Variants in APP observed in about 807,000 individuals in gnomAD.
APP encodes amyloid-beta precursor protein.
Under a neutral mutation model 101.4 loss-of-function variants are expected in APP, and 31 were observed. The ratio of observed to expected loss-of-function variants is 0.31; its 90% CI spans 0.23 to 0.41. The LOEUF (loss-of-function observed/expected upper bound fraction) is 0.41, where lower values mean the gene tolerates loss of function less well. APP is among the 10% of genes least tolerant of loss of function. The pLI is 1.00. For synonymous variants in APP, 366 were observed against 364.4 expected (o/e 1.00, Z -0.05); for missense variants, 839 against 1,003.7 (o/e 0.84, Z 2.22).
intron 6 of APP, among the ~76,000 whole-genome samples, chr21:26,001,981 T>C (rs1270138832): frequency 6.6e-6 from 1 of 152,196 alleles, no homozygotes; most frequent in African/African-American, 2.4e-5. Flanking sequence ...ATAAATAAAA[T>C]TGCGAAGTAG....
intron 17 of APP, among the ~76,000 whole-genome samples, chr21:25,884,841 A>C (rs1254753811): frequency 6.6e-6 from 1 of 152,214 alleles, no homozygotes; most frequent in Non-Finnish European, 1.5e-5. Flanking sequence ...GGCTGTCAAC[A>C]ATCATTTGCA....
At chr21:26,134,129 G>A (rs2062849263) in intron 1 of APP, among the ~76,000 whole-genome samples, 1 of 152,116 alleles carries the variant, frequency 6.6e-6, no homozygotes, top group Non-Finnish European at 1.5e-5. Context: ...GGAACCACAG[G>A]TGCACACCAC....
At chr21:25,986,838 T>C (rs1006756092) in intron 8 of APP, among the ~76,000 whole-genome samples, 15 of 152,240 alleles carry the variant, frequency 9.9e-5, no homozygotes, top group Non-Finnish European at 2.1e-4. Flanking sequence ...CCCACCATGC[T>C]AGGCATGTTC....
chr21:26,113,520 C>G (rs912140555), intron 1 of APP, among the ~76,000 whole-genome samples: 2 of 152,206 alleles, frequency 1.3e-5, no homozygotes, highest in African/African-American at 4.8e-5. Context: ...GCAAAAGCTG[C>G]TGGCAAAATC....
At chr21:26,020,799 ACATTTGGT>A (rs1445626536) in intron 6 of APP, among the ~76,000 whole-genome samples, 1 of 152,194 alleles carries the variant, frequency 6.6e-6, no homozygotes, top group African/African-American at 2.4e-5. Flanking sequence ...CGTTTCTGTA[ACATTTGGT>A]CATTTAATAT....
At chr21:26,095,642 G>T (rs1350647562) in intron 2 of APP, among the ~76,000 whole-genome samples, 1 of 152,170 alleles carries the variant, frequency 6.6e-6, no homozygotes, top group African/African-American at 2.4e-5. Context: ...TTCACTGGGG[G>T]TCTTGGAAGT....
At chr21:26,073,751 A>G (rs989419966) in intron 3 of APP, among the ~76,000 whole-genome samples, 1 of 152,172 alleles carries the variant, frequency 6.6e-6, no homozygotes, top group Non-Finnish European at 1.5e-5. Flanking sequence ...AGAGTAAAGG[A>G]CCTACTGAAG....
rs368100590 is a variant in APP at position 26,104,089 on chromosome 21, G to A, written c.225+7890C>T. On this transcript the variant is annotated intron_variant, in intron 2 of 17. Transcript: ENST00000346798. The stretch of plus-strand genomic sequence containing the variant: ...TGCTGTGTCCTTATGTGACTTCTTC[G>A]TTTGAGCAGGGAGAAAAAGGCAAGC... Among the ~76,000 whole-genome samples the A allele has an allele frequency of 1.4e-4, 22 of 152,192 alleles. No individual in the cohort carries two copies. The East Asian group carries it at 2.9e-3, about 20-fold the overall frequency.
intron 11 of APP, among the ~76,000 whole-genome samples, chr21:25,957,254 T>G (rs947456313): frequency 2.0e-5 from 3 of 152,084 alleles, no homozygotes; most frequent in Non-Finnish European, 4.4e-5. Flanking sequence ...AATTTACAAA[T>G]CAGAGGATGA....
At chr21:25,974,281 A>T (rs2042144330) in intron 11 of APP, among the ~76,000 whole-genome samples, 1 of 152,146 alleles carries the variant, frequency 6.6e-6, no homozygotes, top group Non-Finnish European at 1.5e-5. Flanking sequence ...TACTTACATG[A>T]TGAGGGGGCT....
At chr21:25,891,090 C>A (rs896865380) in intron 17 of APP, among the ~76,000 whole-genome samples, 1 of 152,140 alleles carries the variant, frequency 6.6e-6, no homozygotes, top group East Asian at 1.9e-4. Flanking sequence ...TTCTTTCTCT[C>A]TTTCTTGTTT....
intron 3 of APP, among the ~76,000 whole-genome samples, chr21:26,055,795 T>A (rs1047633998): frequency 1.3e-5 from 2 of 152,180 alleles, no homozygotes; most frequent in African/African-American, 4.8e-5. Flanking sequence ...AAAAATCTAA[T>A]GCTGGCCCAA....
At chr21:25,885,418 C>T (rs1212879821) in intron 17 of APP, among the ~76,000 whole-genome samples, 3 of 152,192 alleles carry the variant, frequency 2.0e-5, no homozygotes, top group African/African-American at 7.2e-5. Flanking sequence ...AGGGTTTGAG[C>T]CCATGGTGCT....
intron 1 of APP, among the ~76,000 whole-genome samples, chr21:26,161,984 T>G (rs1439152098): frequency 6.6e-6 from 1 of 152,204 alleles, no homozygotes; most frequent in African/African-American, 2.4e-5. Flanking sequence ...CTTTATTCTA[T>G]GAGCCTATCA....
intron 15 of APP, among the ~76,000 whole-genome samples, chr21:25,903,696 A>G (rs920936301): frequency 6.6e-6 from 1 of 152,114 alleles, no homozygotes. Flanking sequence ...AGGAATGTCA[A>G]CTCCTGGCTC....
intron 13 of APP, among the ~76,000 whole-genome samples, chr21:25,952,248 G>A (rs946880137): frequency 1.4e-5 from 2 of 144,418 alleles, no homozygotes; most frequent in Non-Finnish European, 3.1e-5. Context: ...TACGTAATAT[G>A]TTCTTTATTT....
intron 1 of APP, among the ~76,000 whole-genome samples, chr21:26,151,361 T>C (rs2063265261): frequency 6.6e-6 from 1 of 152,122 alleles, no homozygotes; most frequent in Non-Finnish European, 1.5e-5. Flanking sequence ...ATGCAACAAC[T>C]TACAGTTAAG....
chr21:26,016,178 G>A (rs2044051082), intron 6 of APP, among the ~76,000 whole-genome samples: 2 of 152,160 alleles, frequency 1.3e-5, no homozygotes, highest in Middle Eastern at 3.4e-3. Flanking sequence ...TTATGGGCAC[G>A]CGCCACCATG....
intron 8 of APP, among the ~76,000 whole-genome samples, chr21:25,996,851 C>T (rs2043075051): frequency 6.6e-6 from 1 of 152,202 alleles, no homozygotes; most frequent in Admixed American, 6.5e-5. Context: ...CCCTGCATTC[C>T]AAGCTCCCCT....
Sources: gnomAD v4.1 joint callset for allele counts (sites outside exome capture counted in the v4.1 genomes callset) on GRCh38, gnomAD v4.1.1 for gene constraint, MANE v1.5 for transcripts, NCBI Gene and HGNC (gene_info 2026-07-23, HGNC 2026-07-21) for gene names.